PRORP: variants seen among roughly 807,000 people sequenced by gnomAD.
PRORP encodes mitochondrial ribonuclease P catalytic subunit.
Under a neutral mutation model 59.4 loss-of-function variants are expected in PRORP, and 51 were observed. That is an observed-to-expected ratio of 0.86 (90% confidence interval 0.69 to 1.08). The LOEUF is 1.08. Ranked by LOEUF, PRORP falls within the 50% of genes least tolerant of loss-of-function variation. The pLI, the probability that PRORP is intolerant of heterozygous loss-of-function variation, is 0.00. For synonymous variants in PRORP, 231 were observed against 245.6 expected, an observed-to-expected ratio of 0.94 and a Z score of 0.55; for missense variants, 646 against 690.3, an observed-to-expected ratio of 0.94 and a Z score of 0.72.
chr14:35,194,534 G>A (rs1196001220), intron 5 of PRORP, among the ~76,000 whole-genome samples: 1 of 152,134 alleles, frequency 6.6e-6, no homozygotes, highest in Non-Finnish European at 1.5e-5. Flanking sequence ...GGCCTGTCGG[G>A]GGATGAGGGG....
chr14:35,175,552 T>C (rs1410032560), intron 4 of PRORP, among the ~76,000 whole-genome samples: 1 of 151,240 alleles, frequency 6.6e-6, no homozygotes, highest in African/African-American at 2.4e-5. Context: ...TTTTGAGAAG[T>C]GTCTGTTCAT....
chr14:35,202,569 G>A (rs1156924343), intron 5 of PRORP, among the ~76,000 whole-genome samples: 1 of 152,110 alleles, frequency 6.6e-6, no homozygotes, highest in East Asian at 1.9e-4. Flanking sequence ...CTTATTTAGA[G>A]CAGCTCTCCT....
chr14:35,141,750 T>G lies in PRORP; in HGVS notation c.1167+14139T>G, dbSNP rs571423499. On this transcript the variant is annotated intron_variant, in intron 4 of 7. Coordinates refer to ENST00000534898, the MANE Select transcript of PRORP (RefSeq NM_014672.4). The stretch of plus-strand genomic sequence containing the variant: ...CACTTTTTTTTTGACAGGGTCTTGC[T>G]CTGTCACCTAAGCTGGAGTGCAGTG... Among the ~76,000 whole-genome samples, 26 of 145,362 alleles carry G rather than the reference T, an allele frequency of 1.8e-4. 1 individual carries two copies. The highest frequency in any genetic ancestry group is 6.1e-4 in the African/African-American group (25 of 41,120).
At position 35,123,353 on chromosome 14, in the gene PRORP, C is replaced by T. The variant is rs773796967; in HGVS notation, c.108C>T (p.Arg36=). The T allele has an allele frequency of 2.5e-6, 4 of 1,613,984 alleles. No homozygotes were observed. In the African/African-American group the frequency reaches 4.0e-5, roughly 16 times the overall value. The stretch of plus-strand genomic sequence containing the variant: ...ATGTCTCGCTGTTTCTGGCAGACCG[C>T]TGTGGCATCAGGAACCAGCAGAGGT... ...HSYVSLFLAD[R]CGIRNQQRLF... Residue 36 remains arginine, a synonymous_variant, in exon 2 of 8, where the codon CGC becomes CGT. Coordinates refer to ENST00000534898, the MANE Select transcript of PRORP (RefSeq NM_014672.4).
intron 4 of PRORP, among the ~76,000 whole-genome samples, chr14:35,150,296 T>C (rs890928860): frequency 3.3e-5 from 5 of 152,176 alleles, no homozygotes; most frequent in Admixed American, 2.0e-4. Context: ...TTGTTGTGTC[T>C]CAGGTAATAG....
rs2051304532 is a variant in PRORP, at chr14:35,277,052, T to G, written c.*3486T>G. 6.6e-6 allele frequency: 1 copy of G among 152,102 alleles called. No individual in the cohort carries two copies. 9.4% of individuals were successfully genotyped at this position (152,102 alleles called of 1,614,324 possible). A position where few individuals can be genotyped will look rare whatever the true frequency, so the allele number is the denominator to read the frequency against. On this transcript the variant is annotated 3_prime_UTR_variant, in exon 8 of 8. Coordinates refer to ENST00000534898, the MANE Select transcript of PRORP (RefSeq NM_014672.4). The stretch of plus-strand genomic sequence containing the variant: ...TTATTTTTTTTTTTGAGACAGAGTC[T>G]TGATCTTTTTTCATCTAGGCTGGAG...
chr14:35,182,710 A>G (rs911909886), intron 5 of PRORP, among the ~76,000 whole-genome samples: 9 of 152,240 alleles, frequency 5.9e-5, no homozygotes, highest in Non-Finnish European at 1.3e-4. Flanking sequence ...ATTTATAGAT[A>G]CACAGATTAA....
chr14:35,165,060 A>G (rs1382710621), intron 4 of PRORP, among the ~76,000 whole-genome samples: 1 of 152,256 alleles, frequency 6.6e-6, no homozygotes, highest in Non-Finnish European at 1.5e-5. Context: ...TGTACCGTAT[A>G]GGAAGAAGGA....
rs189974123 is a variant in PRORP at position 35,273,255 on chromosome 14, A to G, written c.1621-180A>G. ...AAAAATGAGACCCCTCAAAAAAAGG[A>G]ACTCCTAATATTAGGGCTCATCTTC... On this transcript the variant is annotated intron_variant, in intron 7 of 7. Transcript: ENST00000534898. Among the ~76,000 whole-genome samples, 17 of 152,330 alleles carry G rather than the reference A, an allele frequency of 1.1e-4. 1 individual carries two copies. Among genetic ancestry groups the G allele is most frequent in the Non-Finnish European group, 2.1e-4 (14 of 68,032 alleles).
In PRORP at chr14:35,259,926, G is replaced by A. The variant is rs2050856779; in HGVS notation, c.1276-6801G>A. Among the ~76,000 whole-genome samples, 3 of 147,104 alleles carry A rather than the reference G, an allele frequency of 2.0e-5. No individual in the cohort carries two copies. The South Asian group carries it at 6.5e-4, about 32-fold the overall frequency. On this transcript the variant is annotated intron_variant, in intron 5 of 7. Coordinates refer to ENST00000534898, the MANE Select transcript of PRORP (RefSeq NM_014672.4). ...AATAAAATAAAATAAAATCTATAGT[G>A]TTTTTGAGTGTATCTTTTTGTATAG... is the stretch of plus-strand genomic sequence containing the variant.
intron 5 of PRORP, among the ~76,000 whole-genome samples, chr14:35,191,574 GCAC>G (rs1273162344): frequency 6.6e-6 from 1 of 152,020 alleles, no homozygotes; most frequent in East Asian, 1.9e-4. Context: ...GTGATGGCAT[GCAC>G]CTGTGGTTCC....
At chr14:35,190,459 T>C (rs1254331707) in intron 5 of PRORP, among the ~76,000 whole-genome samples, 1 of 152,048 alleles carries the variant, frequency 6.6e-6, no homozygotes, top group African/African-American at 2.4e-5. Context: ...CTCCAGAGTA[T>C]GTTGTAATTT....
chr14:35,143,509 A>G (rs1041753919), intron 4 of PRORP, among the ~76,000 whole-genome samples: 20 of 146,138 alleles, frequency 1.4e-4, no homozygotes, highest in African/African-American at 4.4e-4. Flanking sequence ...ATTATAAAAC[A>G]TAACATTTTT....
At chr14:35,210,348 G>A (rs2049406798) in intron 5 of PRORP, among the ~76,000 whole-genome samples, 2 of 152,088 alleles carry the variant, frequency 1.3e-5, no homozygotes, top group South Asian at 4.1e-4. Flanking sequence ...TCATGAATAT[G>A]TTTCATCTTA....
intron 4 of PRORP, among the ~76,000 whole-genome samples, chr14:35,150,945 A>G (rs980061075): frequency 6.6e-6 from 1 of 152,212 alleles, no homozygotes; most frequent in Non-Finnish European, 1.5e-5. Context: ...GCTAAGGGCA[A>G]GAGAGTCTTA....
intron 4 of PRORP, among the ~76,000 whole-genome samples, chr14:35,148,437 G>A (rs2047663247): frequency 6.6e-6 from 1 of 152,150 alleles, no homozygotes; most frequent in Non-Finnish European, 1.5e-5. Context: ...GGAGCAGTAG[G>A]TCTCCACAGT....
intron 5 of PRORP, among the ~76,000 whole-genome samples, chr14:35,238,595 T>TG (rs1397148822): frequency 1.3e-5 from 2 of 152,222 alleles, no homozygotes; most frequent in Non-Finnish European, 2.9e-5. Flanking sequence ...TCTAGGACTT[T>TG]GGGAAAAATA....
chr14:35,140,944 G>T lies in PRORP; in HGVS notation c.1167+13333G>T, dbSNP rs995927643. 1.1e-4 allele frequency among the ~76,000 whole-genome samples: 16 copies of T among 146,014 alleles called. 1 individual carries two copies. The highest frequency in any genetic ancestry group is 3.9e-4 in the African/African-American group (16 of 41,004). On this transcript the variant is annotated intron_variant, in intron 4 of 7. Transcript: ENST00000534898. ...ATGTAACATATAAAAATTATTCTAG[G>T]TATGACCAAGTCCATCAGGTTAAAG...
intron 4 of PRORP, among the ~76,000 whole-genome samples, chr14:35,166,749 C>T (rs2048194451): frequency 6.6e-6 from 1 of 152,112 alleles, no homozygotes; most frequent in African/African-American, 2.4e-5. Flanking sequence ...CTGTGCCTGG[C>T]CTATCTGAAT....
Sources: allele counts gnomAD v4.1 joint callset (sites outside exome capture counted in the v4.1 genomes callset), GRCh38; gene constraint gnomAD v4.1.1; transcripts MANE v1.5; gene names NCBI Gene and HGNC (gene_info 2026-07-23, HGNC 2026-07-21).